DAPK3: variants seen among roughly 807,000 people sequenced by gnomAD.
The protein encoded by DAPK3 is death associated protein kinase 3.
A neutral mutation model predicts 30.6 loss-of-function variants in DAPK3; 24 were observed. The ratio of observed to expected loss-of-function variants is 0.78; its 90% CI spans 0.57 to 1.10. The LOEUF (loss-of-function observed/expected upper bound fraction) is 1.10, where lower values mean the gene tolerates loss of function less well. DAPK3 is among the 50% of genes least tolerant of loss of function. DAPK3 has a pLI of 0.00. For synonymous variants in DAPK3, 341 were observed against 284.0 expected (o/e 1.20, Z -2.02); for missense variants, 629 against 657.3 (o/e 0.96, Z 0.47).
At position 3,958,734 on chromosome 19, in the gene DAPK3, T is replaced by C. The variant is rs1185325147; in HGVS notation, c.*367A>G. 6 of 377,626 alleles carry C rather than the reference T, an allele frequency of 1.6e-5. No homozygotes were observed. Among genetic ancestry groups the C allele is most frequent in the Non-Finnish European group, 2.6e-5 (5 of 195,092 alleles). 23.4% of individuals were successfully genotyped at this position (377,626 alleles called of 1,614,324 possible). A position where few individuals can be genotyped will look rare whatever the true frequency, so the allele number is the denominator to read the frequency against. ...AGGCAGCACCCCGCCGAATTGTCCG[T>C]GCAACTACCCGCAAACCCTCCTCCG... On this transcript the variant is annotated 3_prime_UTR_variant, in exon 9 of 9. Coordinates refer to ENST00000545797, the MANE Select transcript of DAPK3 (RefSeq NM_001348.3).
At chr19:3,968,420 A>T (rs530534442) in intron 2 of DAPK3, among the ~76,000 whole-genome samples, 1 of 151,836 alleles carries the variant, frequency 6.6e-6, no homozygotes, top group Admixed American at 6.6e-5. Flanking sequence ...GGCTGCAATG[A>T]GTCGAGATCG....
At chr19:3,965,417 G>A (rs984032563) in intron 2 of DAPK3, among the ~76,000 whole-genome samples, 4 of 152,210 alleles carry the variant, frequency 2.6e-5, no homozygotes, top group Non-Finnish European at 4.4e-5. Context: ...AGGAGTTCAA[G>A]AGCAGCCTGG....
intron 2 of DAPK3, among the ~76,000 whole-genome samples, chr19:3,966,467 G>A (rs1223664300): frequency 1.3e-5 from 2 of 152,194 alleles, no homozygotes; most frequent in African/African-American, 2.4e-5. Flanking sequence ...GGGAAGAGAG[G>A]ATCTCTCTCT....
In DAPK3 at chr19:3,960,893, G is replaced by C. The variant is rs545537361; in HGVS notation, c.782+116C>G. 88 of 1,102,192 alleles carry C rather than the reference G, an allele frequency of 8.0e-5. No homozygotes were observed. In the African/African-American group the frequency reaches 1.2e-3, roughly 15 times the overall value. The allele number at this position is 1,102,192 out of a possible 1,614,324, so 68.3% of individuals were successfully genotyped here. A position where few individuals can be genotyped will look rare whatever the true frequency, so the allele number is the denominator to read the frequency against. ...CTCTCCAGCCCAAGGGGTAAGCAATGTCTGATCCCCAGCCGCAGGGAGGTG... is the reference window on the plus strand; with the variant it reads ...CTCTCCAGCCCAAGGGGTAAGCAATCTCTGATCCCCAGCCGCAGGGAGGTG... On this transcript the variant is annotated intron_variant, in intron 7 of 8. Transcript: ENST00000545797.
In DAPK3 at chr19:3,959,967, A is replaced by C. The variant is rs531490103; in HGVS notation, c.828+92T>G. 10 of 818,940 alleles carry C rather than the reference A, an allele frequency of 1.2e-5. No homozygotes were observed. The South Asian group carries it at 1.4e-4, about 11-fold the overall frequency. The allele number at this position is 818,940 out of a possible 1,614,324, so 50.7% of individuals were successfully genotyped here. A position where few individuals can be genotyped will look rare whatever the true frequency, so the allele number is the denominator to read the frequency against. ...CTCCCCAGCCACTGGGGGTTGTCAC[A>C]TCCACAAGCCTTAAATGCTGAAGGC... On this transcript the variant is annotated intron_variant, in intron 8 of 8. Coordinates refer to ENST00000545797, the MANE Select transcript of DAPK3 (RefSeq NM_001348.3).
rs267605418 is a variant in DAPK3 at position 3,960,092 on chromosome 19, G to A, written c.795C>T (p.Thr265=). The A allele has an allele frequency of 3.2e-6, 5 of 1,564,960 alleles. No homozygotes were observed. The South Asian group carries it at 4.4e-5, about 14-fold the overall frequency. ...LLVKDPKRRM[T]IAQSLEHSWI... ...AGGAATGTTCCAGGCTCTGGGCAAT[G>A]GTCATTCTCCGCCTGGAAGACCCCC... Residue 265 remains threonine (T), a synonymous_variant, in exon 8 of 9, where the codon ACC becomes ACT. Transcript: ENST00000545797.
At chr19:3,965,701 G>A (rs1472648559) in intron 2 of DAPK3, among the ~76,000 whole-genome samples, 1 of 152,050 alleles carries the variant, frequency 6.6e-6, no homozygotes, top group Non-Finnish European at 1.5e-5. Context: ...GTCTGGCCCT[G>A]TTGCTCAGGC....
At chr19:3,961,535 G>A (rs76315900) in intron 6 of DAPK3, 37,261 of 502,530 alleles carry the variant, frequency 0.074, 1,814 homozygotes, top group South Asian at 0.12. Flanking sequence ...CAACAGCCCG[G>A]CAGTGAGAGG....
At chr19:3,966,134 C>T (rs8113281) in intron 2 of DAPK3, among the ~76,000 whole-genome samples, 34,298 of 152,034 alleles carry the variant, frequency 0.23, 4,192 homozygotes, top group African/African-American at 0.31. Context: ...GCAACTAGCC[C>T]AAGGTCATGC....
chr19:3,960,939 T>C, intron 7 of DAPK3, 70 bp downstream of exon 7: 1 of 1,545,836 alleles, frequency 6.5e-7, no homozygotes, highest in Non-Finnish European at 8.8e-7. Flanking sequence ...GAGAGTCCTC[T>C]GGAGCCTCCG....
At chr19:3,960,979 C>G (rs2039504507) in intron 7 of DAPK3, 30 bp downstream of exon 7, 1 of 1,610,316 alleles carries the variant, frequency 6.2e-7, no homozygotes, top group East Asian at 2.2e-5. Context: ...TCCCATGTCC[C>G]ACCCCGTGCC....
intron 4 of DAPK3, 151 bp downstream of exon 4, chr19:3,964,093 G>A: frequency 1.2e-6 from 1 of 833,678 alleles, no homozygotes; most frequent in Non-Finnish European, 1.9e-6. Context: ...ACCAAATGGA[G>A]GCCCAGACCT....
intron 4 of DAPK3, 82 bp from the exon 5 acceptor site, chr19:3,964,001 G>C: frequency 2.1e-6 from 2 of 967,538 alleles, no homozygotes; most frequent in Non-Finnish European, 3.3e-6. Context: ...TGGGGTCAAG[G>C]TTCTCACATG....
chr19:3,960,703 C>G (rs535751582), intron 7 of DAPK3, among the ~76,000 whole-genome samples: 1 of 143,958 alleles, frequency 6.9e-6, no homozygotes, highest in South Asian at 2.4e-4. Context: ...AGCCTGAACC[C>G]GGGAGGCAGA....
intron 2 of DAPK3, among the ~76,000 whole-genome samples, chr19:3,968,318 A>C (rs1366422958): frequency 6.6e-6 from 1 of 152,154 alleles, no homozygotes; most frequent in Non-Finnish European, 1.5e-5. Flanking sequence ...AACATGGTGA[A>C]ATCCTGTCTC....
chr19:3,961,624 G>A (rs775420271), intron 6 of DAPK3: 2 of 432,652 alleles, frequency 4.6e-6, no homozygotes, highest in Non-Finnish European at 9.6e-6. Context: ...CAGAGACACT[G>A]AAGCCCCGTC....
chr19:3,964,195 C>A, intron 4 of DAPK3, 49 bp downstream of exon 4: 1 of 1,529,364 alleles, frequency 6.5e-7, no homozygotes, highest in East Asian at 2.3e-5. Context: ...AGCAGGCAGC[C>A]CCAGACCACC....
rs776168606 is a variant in DAPK3, at chr19:3,963,644, G to A, written c.628C>T (p.Leu210Phe). Reference sequence around the variant, plus strand: ...AGGGGGCCCCCGCCAGGTACTCACAGGATATAGGTGATGACACCGATGCTC... The same window carrying A: ...AGGGGGCCCCCGCCAGGTACTCACAAGATATAGGTGATGACACCGATGCTC... ...MWSIGVITYI[L>F]LSGASPFLGE... is the part of the protein sequence containing the mutation. The change falls in exon 6 of 9, where the codon CTC (leucine) becomes TTC (phenylalanine). Residue 210 changes from leucine (L) to phenylalanine (F), a missense_variant and splice_region_variant. Leu to Phe is a conservative substitution (Grantham distance 22). Transcript: ENST00000545797. 80 of 1,534,036 alleles carry A rather than the reference G, an allele frequency of 5.2e-5. 1 individual carries two copies. The highest frequency in any genetic ancestry group is 6.2e-5 in the Non-Finnish European group (71 of 1,142,636).
At chr19:3,964,568 T>TGCCCCCCC in intron 3 of DAPK3, 63 bp downstream of exon 3, 39 of 1,321,022 alleles carry the variant, frequency 3.0e-5, no homozygotes, top group Non-Finnish European at 3.6e-5. Context: ...TCCAGGCTCT[T>TGCCCCCCC]CCCCGCCCCA....
Sources: allele counts gnomAD v4.1 joint callset (sites outside exome capture counted in the v4.1 genomes callset), GRCh38; gene constraint gnomAD v4.1.1; transcripts MANE v1.5; gene names NCBI Gene and HGNC (gene_info 2026-07-23, HGNC 2026-07-21).